The following PRKAG2 variants were observed in gnomAD, a reference collection of about 807,000 sequenced individuals.
PRKAG2 encodes protein kinase AMP-activated non-catalytic subunit gamma 2.
A neutral mutation model predicts 69.6 loss-of-function variants in PRKAG2; 26 were observed. The ratio of observed to expected loss-of-function variants is 0.37; its 90% CI spans 0.27 to 0.52. The LOEUF (loss-of-function observed/expected upper bound fraction) is 0.52, where lower values mean the gene tolerates loss of function less well. Among genes scored for constraint, PRKAG2 ranks in the 20% least tolerant of loss-of-function variants. The probability of loss-of-function intolerance (pLI) is 0.90; values close to 1 mark genes in which losing one functional copy is unlikely to be tolerated. For missense variants in PRKAG2, 557 were observed against 740.0 expected, an observed-to-expected ratio of 0.75 and a Z score of 2.87; for synonymous variants, 293 against 285.0, an observed-to-expected ratio of 1.03 and a Z score of -0.28.
chr7:151,747,208 A>C (rs2074337973), intron 3 of PRKAG2, among the ~76,000 whole-genome samples: 2 of 152,200 alleles, frequency 1.3e-5, no homozygotes, highest in African/African-American at 4.8e-5. Context: ...TGACGCATAT[A>C]GGGTGATCTA....
Position 151,607,344 on chromosome 7 carries a change from C to T in PRKAG2, c.755-11890G>A, listed in dbSNP as rs144677926. Among the ~76,000 whole-genome samples, 555 of 152,202 alleles carry T rather than the reference C, an allele frequency of 3.6e-3. 3 individuals are homozygous for T. The highest frequency in any genetic ancestry group is 0.013 in the African/African-American group (531 of 41,534). ...CCACCCAGGATGGACTGCAGTGGTG[C>T]GATCATGGCTCACTGCAGCCTTGAA... On this transcript the variant is annotated intron_variant, in intron 5 of 15. Transcript: ENST00000287878.
intron 3 of PRKAG2, among the ~76,000 whole-genome samples, chr7:151,772,984 T>TGAAA (rs1257330966): frequency 0.018 from 1,293 of 71,808 alleles, 91 homozygotes; most frequent in Non-Finnish European, 0.026. Flanking sequence ...TCTAAATGAA[T>TGAAA]GAAAGAAAGA....
chr7:151,848,932 T>G (rs1329297381), intron 1 of PRKAG2, among the ~76,000 whole-genome samples: 1 of 152,236 alleles, frequency 6.6e-6, no homozygotes, highest in Non-Finnish European at 1.5e-5. Context: ...TCTCATTTGA[T>G]CTTCACAGCC....
chr7:151,654,791 C>A (rs566856257), intron 4 of PRKAG2, among the ~76,000 whole-genome samples: 10 of 152,322 alleles, frequency 6.6e-5, no homozygotes, highest in African/African-American at 2.4e-4. Flanking sequence ...CTCCTGGATT[C>A]GAGCTGTTCT....
intron 3 of PRKAG2, among the ~76,000 whole-genome samples, chr7:151,728,741 G>A (rs899065672): frequency 6.6e-6 from 1 of 152,096 alleles, no homozygotes; most frequent in Non-Finnish European, 1.5e-5. Flanking sequence ...CCAGAGCCAC[G>A]CCACTGTCAC....
Position 151,649,723 on chromosome 7 carries a change from C to T in PRKAG2, c.685-17585G>A, listed in dbSNP as rs777854474. On this transcript the variant is annotated intron_variant, in intron 4 of 15. Coordinates refer to ENST00000287878, the MANE Select transcript of PRKAG2 (RefSeq NM_016203.4). ...CTCCCCTCCTTCTTGCTCCTGCTCC[C>T]GCCACGTGAGGTATGTGCGGCCCCT... Among the ~76,000 whole-genome samples the T allele has an allele frequency of 5.3e-5, 8 of 152,088 alleles. No homozygotes were observed. In the South Asian group the frequency reaches 6.2e-4, roughly 12 times the overall value.
At chr7:151,726,558 C>T (rs2151662037) in intron 3 of PRKAG2, among the ~76,000 whole-genome samples, 1 of 152,238 alleles carries the variant, frequency 6.6e-6, no homozygotes, top group African/African-American at 2.4e-5. Context: ...ACCACGGTGT[C>T]CATTAACAAC....
At chr7:151,569,058 G>T (rs1209930363) in intron 10 of PRKAG2, among the ~76,000 whole-genome samples, 2 of 152,178 alleles carry the variant, frequency 1.3e-5, no homozygotes, top group African/African-American at 4.8e-5. Flanking sequence ...ATCTCTAGAA[G>T]AGGAGATTTT....
chr7:151,796,297 C>T (rs1390820491), intron 1 of PRKAG2, among the ~76,000 whole-genome samples: 2 of 152,142 alleles, frequency 1.3e-5, no homozygotes, highest in African/African-American at 2.4e-5. Flanking sequence ...ATGGAACCCT[C>T]ACTTTGCCCA....
At chr7:151,782,530 A>T (rs1413769563) in intron 2 of PRKAG2, among the ~76,000 whole-genome samples, 4 of 152,238 alleles carry the variant, frequency 2.6e-5, no homozygotes, top group Non-Finnish European at 5.9e-5. Flanking sequence ...ATCAGACCCC[A>T]TAACTTTAAG....
Position 151,685,546 on chromosome 7 carries a change from G to T in PRKAG2, c.467-9909C>A, listed in dbSNP as rs367912529. Among the ~76,000 whole-genome samples, 15 of 152,222 alleles carry T rather than the reference G, an allele frequency of 9.9e-5. No homozygotes were observed. In the East Asian group the frequency reaches 1.9e-3, roughly 20 times the overall value. On this transcript the variant is annotated intron_variant, in intron 3 of 15. Coordinates refer to ENST00000287878, the MANE Select transcript of PRKAG2 (RefSeq NM_016203.4). ...GCACTTTGGGAGGCCGAGAAGGGAGGGGCTGGGAGCTCAGGAGTTCAAGAT... is the reference window on the plus strand; with the variant it reads ...GCACTTTGGGAGGCCGAGAAGGGAGTGGCTGGGAGCTCAGGAGTTCAAGAT...
intron 3 of PRKAG2, among the ~76,000 whole-genome samples, chr7:151,679,476 T>C (rs562822622): frequency 4.5e-4 from 68 of 152,208 alleles, no homozygotes; most frequent in African/African-American, 1.6e-3. Context: ...CTTTCCCCAC[T>C]GGACACAGGG....
chr7:151,790,283 CTA>C, intron 1 of PRKAG2, among the ~76,000 whole-genome samples: 1 of 152,194 alleles, frequency 6.6e-6, no homozygotes, highest in East Asian at 1.9e-4. Flanking sequence ...GAGTAAACTC[CTA>C]TGTGTCCTGC....
rs1563722183 is a variant in PRKAG2 at position 151,814,508 on chromosome 7, G to A, written c.115-27967C>T. ...CTGGATGGCAGGATGCGAGTGACGG[G>A]GACGGGCGGCACTCCCAGCTCTGAC... On this transcript the variant is annotated intron_variant, in intron 1 of 15. Transcript: ENST00000287878. This position sits in a 1 kb window ranked among gnomAD's most constrained non-coding sequence, Gnocchi z 4.8. The A allele has an allele frequency of 8.1e-7, 1 of 1,230,948 alleles. No homozygotes were observed. The highest frequency in any genetic ancestry group is 1.6e-5 in the African/African-American group (1 of 64,404). The allele number at this position is 1,230,948 out of a possible 1,614,324, so 76.3% of individuals were successfully genotyped here. A position where few individuals can be genotyped will look rare whatever the true frequency, so the allele number is the denominator to read the frequency against.
At chr7:151,782,131 A>AT (rs936043762) in intron 2 of PRKAG2, among the ~76,000 whole-genome samples, 18 of 151,778 alleles carry the variant, frequency 1.2e-4, no homozygotes, top group Admixed American at 1.1e-3. Flanking sequence ...AATAAAAAAA[A>AT]AATTAGCTGG....
rs565107829 is a variant in PRKAG2, at chr7:151,850,505, G to A, written c.114+26002C>T. On this transcript the variant is annotated intron_variant, in intron 1 of 15. Transcript: ENST00000287878. This position sits in a 1 kb window ranked among gnomAD's most constrained non-coding sequence, Gnocchi z 4.1. ...CTGCCATTGTGGAGGTGGGCAAACCGAGGTTCAGAGATGGCATTGGCCATG... is the reference window on the plus strand; with the variant it reads ...CTGCCATTGTGGAGGTGGGCAAACCAAGGTTCAGAGATGGCATTGGCCATG... Among the ~76,000 whole-genome samples, 33 of 152,340 alleles carry A rather than the reference G, an allele frequency of 2.2e-4. No individual in the cohort carries two copies. Among genetic ancestry groups the A allele is most frequent in the Non-Finnish European group, 3.2e-4 (22 of 68,022 alleles).
chr7:151,695,140 CAG>C (rs1177471572), intron 3 of PRKAG2, among the ~76,000 whole-genome samples: 1 of 152,194 alleles, frequency 6.6e-6, no homozygotes. Flanking sequence ...AGTGACATAA[CAG>C]GGGGGTTGGG....
chr7:151,563,899 A>T (rs1316882619), intron 14 of PRKAG2, among the ~76,000 whole-genome samples, 179 bp downstream of exon 14: 1 of 152,186 alleles, frequency 6.6e-6, no homozygotes, highest in Non-Finnish European at 1.5e-5. Flanking sequence ...AAACTTTTAG[A>T]GATCGCCTAT....
At chr7:151,591,247 C>T (rs958151872) in intron 6 of PRKAG2, among the ~76,000 whole-genome samples, 6 of 152,274 alleles carry the variant, frequency 3.9e-5, no homozygotes, top group African/African-American at 1.4e-4. Flanking sequence ...ACAAGGACCC[C>T]TAGACGGAGT....
Sources: gnomAD v4.1 joint callset for allele counts (sites outside exome capture counted in the v4.1 genomes callset) on GRCh38, gnomAD v4.1.1 for gene constraint, Gnocchi (gnomAD v3.1) non-coding constraint, MANE v1.5 for transcripts, NCBI Gene and HGNC (gene_info 2026-07-23, HGNC 2026-07-21) for gene names.